Variants in CFAP65 observed in about 807,000 individuals in gnomAD.
The protein encoded by CFAP65 is cilia- and flagella-associated protein 65.
In CFAP65, 155 loss-of-function variants were observed where a neutral mutation model predicts 208.0. The observed-to-expected ratio is 0.75, with a 90% CI of 0.65 to 0.85. CFAP65 has a LOEUF of 0.85. Ranked by LOEUF, CFAP65 falls within the 40% of genes least tolerant of loss-of-function variation. CFAP65 has a pLI of 0.00. For missense variants in CFAP65, 2,294 were observed against 2,451.3 expected (o/e 0.94, Z 1.36); for synonymous variants, 970 against 986.3 (o/e 0.98, Z 0.31).
chr2:219,017,621 G>A (rs2106150638), intron 21 of CFAP65, among the ~76,000 whole-genome samples: 1 of 152,382 alleles, frequency 6.6e-6, no homozygotes, highest in Admixed American at 6.5e-5. Context: ...TGATGGATGG[G>A]CCCGGCTGGC....
rs570835589 is a variant in CFAP65 at position 219,035,958 on chromosome 2, C to T, written c.358-294G>A. Among the ~76,000 whole-genome samples, 3 of 152,302 alleles carry T rather than the reference C, an allele frequency of 2.0e-5. No individual in the cohort carries two copies. In the East Asian group the frequency reaches 5.8e-4, roughly 29 times the overall value. ...GGGCGGCTCCATCAGCCACTCTGTG[C>T]AAACACACAAATGCAGGCTTCTGTT... On this transcript the variant is annotated intron_variant, in intron 4 of 34. Coordinates refer to ENST00000341552, the MANE Select transcript of CFAP65 (RefSeq NM_194302.4).
chr2:219,035,070 C>CAAAAAA, intron 5 of CFAP65: 2 of 373,226 alleles, frequency 5.4e-6, no homozygotes, highest in Middle Eastern at 7.8e-4. Flanking sequence ...GGTTCCATCC[C>CAAAAAA]GCAAGGTCAC....
At chr2:219,023,907 G>T in intron 15 of CFAP65, 108 bp downstream of exon 15, 2 of 1,320,344 alleles carry the variant, frequency 1.5e-6, no homozygotes, top group Non-Finnish European at 2.1e-6. Context: ...GAGGAGAAGT[G>T]GCCCCCTGGA....
intron 21 of CFAP65, 28 bp downstream of exon 21, chr2:219,019,023 C>G (rs1448272958): frequency 6.2e-7 from 1 of 1,613,400 alleles, no homozygotes; most frequent in Admixed American, 1.7e-5. Context: ...GTCTCCCAGG[C>G]CCCCCAGTGG....
At chr2:219,015,534 A>G (rs1946817290) in intron 21 of CFAP65, 1 of 152,298 alleles carries the variant, frequency 6.6e-6, no homozygotes, top group Non-Finnish European at 1.5e-5. Context: ...AGCATGAAGA[A>G]TAGTAATATT....
At chr2:219,020,504 C>G (rs1424457130) in intron 19 of CFAP65, among the ~76,000 whole-genome samples, 1 of 152,126 alleles carries the variant, frequency 6.6e-6, no homozygotes, top group Non-Finnish European at 1.5e-5. Context: ...CCTCAGCCTC[C>G]CAAGTAGCTA....
Position 219,032,524 on chromosome 2 carries a change from G to C in CFAP65, c.591C>G (p.Phe197Leu). 6.2e-7 allele frequency: 1 copy of C among 1,607,718 alleles called. No homozygotes were observed. The highest frequency in any genetic ancestry group is 8.5e-7 in the Non-Finnish European group (1 of 1,177,254). ...FFFTVIPQPI[F>L]LSPGITLTLP... is the part of the protein sequence containing the mutation. ...GCGTGAGGGTTATGCCTGGGCTCAG[G>C]AAGATGGGCTGAGGGATGACCGTGA... Residue 197 changes from phenylalanine to leucine, a missense_variant, in exon 6 of 35, where the codon TTC becomes TTG. This residue lies in a region of CFAP65 where 867 missense variants were observed against 1,012.6 expected (regional missense o/e 0.86). Coordinates refer to ENST00000341552, the MANE Select transcript of CFAP65 (RefSeq NM_194302.4). The surrounding 1 kb of genome is among the most constrained non-coding windows in gnomAD (Gnocchi z 5.5).
intron 28 of CFAP65, 93 bp from the exon 29 acceptor site, chr2:219,009,247 G>T: frequency 1.4e-6 from 2 of 1,460,200 alleles, no homozygotes; most frequent in Non-Finnish European, 1.9e-6. Context: ...GCTGACTTCT[G>T]CCTTTTGCTG....
chr2:219,018,204 T>C (rs1947032370), intron 21 of CFAP65: 1 of 152,240 alleles, frequency 6.6e-6, no homozygotes, highest in African/African-American at 2.4e-5. Context: ...CTCTCCTAAG[T>C]CTGACCCAGA....
At chr2:219,024,477 G>A (rs921314639) in intron 14 of CFAP65, among the ~76,000 whole-genome samples, 2 of 125,976 alleles carry the variant, frequency 1.6e-5, no homozygotes, top group African/African-American at 3.5e-5. Context: ...GAAAGGGGCG[G>A]GGGGGGGGCA....
chr2:219,025,965 A>T, intron 14 of CFAP65, 57 bp downstream of exon 14: 1 of 1,579,684 alleles, frequency 6.3e-7, no homozygotes, highest in Non-Finnish European at 8.6e-7. Flanking sequence ...TCTGCAGGCC[A>T]AGGCAGAAGC....
In CFAP65 at chr2:219,003,137, G is replaced by C. The variant is rs1250032154; in HGVS notation, c.5691C>G (p.Pro1897=). ...GCCGCTGGTCCCGGCGCCCTTACCTGGGCACGCAGAACGGCGGCAGGGCGA... is the reference window on the plus strand; with the variant it reads ...GCCGCTGGTCCCGGCGCCCTTACCTCGGCACGCAGAACGGCGGCAGGGCGA... ...RVIALPPFCV[P]RSLTPDTLLP... Residue 1897 remains proline (P), a splice_region_variant and synonymous_variant, in exon 34 of 35, where the codon CCC becomes CCG. Coordinates refer to ENST00000341552, the MANE Select transcript of CFAP65 (RefSeq NM_194302.4). The surrounding 1 kb of genome is among the most constrained non-coding windows in gnomAD (Gnocchi z 4.4). 1 of 1,543,650 alleles carries C rather than the reference G, an allele frequency of 6.5e-7. No individual in the cohort carries two copies. Among genetic ancestry groups the C allele is most frequent in the Non-Finnish European group, 8.8e-7 (1 of 1,142,540 alleles).
At chr2:219,036,164 G>T (rs1400550686) in intron 4 of CFAP65, among the ~76,000 whole-genome samples, 1 of 152,178 alleles carries the variant, frequency 6.6e-6, no homozygotes, top group South Asian at 2.1e-4. Context: ...GGCTGGTGGG[G>T]CAGAGGAGGA....
intron 13 of CFAP65, chr2:219,027,109 G>A (rs147207068): frequency 1.6e-4 from 176 of 1,067,486 alleles, no homozygotes; most frequent in Non-Finnish European, 1.9e-4. Flanking sequence ...AGAAGGAAGG[G>A]ATGGGCAGGA....
Position 219,030,166 on chromosome 2 carries a change from C to T in CFAP65, c.1204G>A (p.Ala402Thr), listed in dbSNP as rs778274423. Residue 402 changes from alanine to threonine, a missense_variant, in exon 10 of 35, where the codon GCC (alanine) becomes ACC (threonine). By Grantham distance (58) the Ala-to-Thr change is moderately conservative (BLOSUM62 0). Transcript: ENST00000341552. ...FRIEISPDEL[A>T]EDQAFSCPTA... ...GGGCATGAGAAGGCCTGGTCTTCGG[C>T]CAGTTCATCCGGGGAAATTTCAATC... 14 of 1,614,006 alleles carry T rather than the reference C, an allele frequency of 8.7e-6. No homozygotes were observed. The African/African-American group carries it at 1.5e-4, about 17-fold the overall frequency.
intron 4 of CFAP65, 51 bp downstream of exon 4, chr2:219,038,324 C>G (rs1231900046): frequency 6.3e-7 from 1 of 1,586,298 alleles, no homozygotes; most frequent in African/African-American, 1.3e-5. Flanking sequence ...CACCCATGCC[C>G]CGCCCTGGCC....
At chr2:219,021,711 G>A in intron 18 of CFAP65, 69 bp downstream of exon 18, 1 of 1,555,388 alleles carries the variant, frequency 6.4e-7, no homozygotes, top group Admixed American at 1.8e-5. Flanking sequence ...GTGCCCAGCA[G>A]GTTAACCGGT....
Position 219,004,899 on chromosome 2 carries a change from ATTTCTCTCTTTC to A in CFAP65, c.5052-456_5052-445del, listed in dbSNP as rs1559112008. 7.8e-6 allele frequency among the ~76,000 whole-genome samples: 1 copy of A among 128,278 alleles called. No homozygotes were observed. Among genetic ancestry groups the A allele is most frequent in the Non-Finnish European group, 1.6e-5 (1 of 61,098 alleles). The allele number at this position is 128,278 out of a possible 152,430, so 84.2% of individuals were successfully genotyped here. ...CTTTTTTTCTTTTCTCTCTCTCTCT[ATTTCTCTCTTTC>A]TTTCTCTCTCTTTCTCTCCTCTTTT... On this transcript the variant is annotated intron_variant, in intron 32 of 34. Transcript: ENST00000341552. This position sits in a 1 kb window ranked among gnomAD's most constrained non-coding sequence, Gnocchi z 4.7.
intron 26 of CFAP65, 37 bp from the exon 27 acceptor site, chr2:219,010,122 G>A (rs191130261): frequency 2.5e-5 from 38 of 1,544,988 alleles, no homozygotes; most frequent in Middle Eastern, 3.8e-4. Context: ...AATAAGAACC[G>A]GCCAGGCATG....
Sources: gnomAD v4.1 joint callset for allele counts (sites outside exome capture counted in the v4.1 genomes callset) on GRCh38, gnomAD v4.1.1 for gene constraint, gnomAD v4.1.1 regional missense constraint, Gnocchi (gnomAD v3.1) non-coding constraint, MANE v1.5 for transcripts, NCBI Gene and HGNC (gene_info 2026-07-23, HGNC 2026-07-21) for gene names.